Variants in SLC39A12 observed in about 807,000 individuals in gnomAD.
The protein encoded by SLC39A12 is zinc transporter ZIP12.
Under a neutral mutation model 71.1 loss-of-function variants are expected in SLC39A12, and 63 were observed. That is an observed-to-expected ratio of 0.89 (90% CI 0.72 to 1.09). The LOEUF (loss-of-function observed/expected upper bound fraction) is 1.09, where lower values mean the gene tolerates loss of function less well. SLC39A12 is among the 50% of genes least tolerant of loss of function. SLC39A12 has a pLI of 0.00. For synonymous variants in SLC39A12, 351 were observed against 301.3 expected (o/e 1.16, Z -1.71); for missense variants, 892 against 812.6 (o/e 1.10, Z -1.19).
intron 5 of SLC39A12, among the ~76,000 whole-genome samples, chr10:17,980,471 C>G (rs1425564567): frequency 6.6e-6 from 1 of 152,134 alleles, no homozygotes; most frequent in Non-Finnish European, 1.5e-5. Flanking sequence ...AGAAAACATC[C>G]ATTTGTGAGA....
At chr10:18,039,620 C>G (rs2130909152) in intron 12 of SLC39A12, among the ~76,000 whole-genome samples, 1 of 152,148 alleles carries the variant, frequency 6.6e-6, no homozygotes, top group South Asian at 2.1e-4. Flanking sequence ...CTTAGCTACC[C>G]AGGAGGCTGA....
Position 17,991,247 on chromosome 10 carries a change from C to G in SLC39A12, c.1366C>G (p.His456Asp). 1 of 1,597,014 alleles carries G rather than the reference C, an allele frequency of 6.3e-7. No homozygotes were observed. The highest frequency in any genetic ancestry group is 8.5e-7 in the Non-Finnish European group (1 of 1,174,012). Residue 456 changes from histidine to aspartate, a missense_variant, in exon 8 of 13, where the codon CAT becomes GAT. By Grantham distance (81) the His-to-Asp change is moderately conservative. Coordinates refer to ENST00000377369, the MANE Select transcript of SLC39A12 (RefSeq NM_001145195.2). ...WKLMGLIGGIHGFFLIEKCFI... is the reference protein window; with the variant it reads ...WKLMGLIGGIDGFFLIEKCFI... The stretch of plus-strand genomic sequence containing the variant: ...ACTGATGGGATTAATTGGAGGCATC[C>G]ATGGATTTTTCTTGATAGAAAAATG...
intron 4 of SLC39A12, among the ~76,000 whole-genome samples, chr10:17,975,507 C>T (rs1484711529): frequency 6.6e-6 from 1 of 152,210 alleles, no homozygotes. Flanking sequence ...ACTCTAACCA[C>T]TGCCCCATCC....
At chr10:17,969,147 T>TA (rs1373381260) in intron 4 of SLC39A12, among the ~76,000 whole-genome samples, 1 of 152,234 alleles carries the variant, frequency 6.6e-6, no homozygotes, top group East Asian at 1.9e-4. Flanking sequence ...CTGAATGGTA[T>TA]TCCATTGTGT....
rs141032599 is a variant in SLC39A12 at position 17,990,286 on chromosome 10, A to G, written c.1270-865A>G. On this transcript the variant is annotated intron_variant, in intron 7 of 12. Coordinates refer to ENST00000377369, the MANE Select transcript of SLC39A12 (RefSeq NM_001145195.2). ...ATTTGCATACACAACATATATATGT[A>G]GATACATATGTATACTCACATATAC... 1.4e-4 allele frequency among the ~76,000 whole-genome samples: 21 copies of G among 152,334 alleles called. No individual in the cohort carries two copies. In the East Asian group the frequency reaches 3.9e-3, roughly 28 times the overall value.
chr10:17,960,463 G>A (rs144855450), intron 2 of SLC39A12, among the ~76,000 whole-genome samples: 3 of 152,048 alleles, frequency 2.0e-5, no homozygotes, highest in Non-Finnish European at 4.4e-5. Context: ...ATCATTTTTG[G>A]CAATTTCCCT....
chr10:17,997,012 G>A, intron 10 of SLC39A12, among the ~76,000 whole-genome samples: 1 of 104,138 alleles, frequency 9.6e-6, no homozygotes, highest in Non-Finnish European at 1.9e-5. Context: ...AACAGAGTGA[G>A]ACTCCGTCTC....
intron 6 of SLC39A12, among the ~76,000 whole-genome samples, chr10:17,986,013 T>C (rs1269928034): frequency 6.6e-6 from 1 of 152,170 alleles, no homozygotes; most frequent in Admixed American, 6.5e-5. Context: ...ACCCTGGACA[T>C]TGCAAATAAT....
rs150700069 is a variant in SLC39A12 at position 17,961,612 on chromosome 10, C to A, written c.293C>A (p.Ala98Asp). 2.5e-6 allele frequency: 4 copies of A among 1,613,620 alleles called. No individual in the cohort carries two copies. Among genetic ancestry groups the A allele is most frequent in the Non-Finnish European group, 3.4e-6 (4 of 1,179,886 alleles). Residue 98 changes from alanine (A) to aspartate (D), a missense_variant, in exon 3 of 13, where the codon GCT becomes GAT. By Grantham distance (126) the Ala-to-Asp change is moderately radical (BLOSUM62 -2). Transcript: ENST00000377369. Reference sequence around the variant, plus strand: ...GAACCAGATGCACTATTACTAATAGCTGGAGGAAATTTTGAAGATCAGCTT... The same window carrying A: ...GAACCAGATGCACTATTACTAATAGATGGAGGAAATTTTGAAGATCAGCTT... The part of the protein sequence containing the change: ...CFEPDALLLI[A>D]GGNFEDQLRE...
intron 12 of SLC39A12, among the ~76,000 whole-genome samples, chr10:18,010,912 T>A (rs2130860427): frequency 1.3e-5 from 2 of 152,362 alleles, no homozygotes; most frequent in Admixed American, 1.3e-4. Flanking sequence ...AATGTGAAGA[T>A]GAGGATGAAG....
At chr10:18,009,453 C>T (rs1836136987) in intron 12 of SLC39A12, among the ~76,000 whole-genome samples, 1 of 152,160 alleles carries the variant, frequency 6.6e-6, no homozygotes, top group African/African-American at 2.4e-5. Context: ...CAATTTCAAA[C>T]CCTCTTCCCC....
At chr10:18,030,181 A>G (rs1836798270) in intron 12 of SLC39A12, among the ~76,000 whole-genome samples, 2 of 152,218 alleles carry the variant, frequency 1.3e-5, no homozygotes, top group Non-Finnish European at 2.9e-5. Flanking sequence ...CTTTTATTTC[A>G]GATGAGAATC....
intron 12 of SLC39A12, among the ~76,000 whole-genome samples, chr10:18,006,676 G>C (rs1320907574): frequency 2.0e-5 from 3 of 152,204 alleles, no homozygotes; most frequent in East Asian, 3.9e-4. Flanking sequence ...ATATGCCTCA[G>C]AATAGTTTAC....
chr10:18,033,026 TG>T (rs1836894840), intron 12 of SLC39A12, among the ~76,000 whole-genome samples: 1 of 151,744 alleles, frequency 6.6e-6, no homozygotes, highest in Non-Finnish European at 1.5e-5. Flanking sequence ...GATAAGCTTT[TG>T]GATGTGCTGC....
At chr10:18,006,798 G>A (rs1041884327) in intron 12 of SLC39A12, among the ~76,000 whole-genome samples, 2 of 152,108 alleles carry the variant, frequency 1.3e-5, no homozygotes, top group Admixed American at 6.5e-5. Flanking sequence ...TGAGTACTAA[G>A]AGCATTCCTG....
chr10:18,039,544 A>G (rs1411364109), intron 12 of SLC39A12, among the ~76,000 whole-genome samples: 1 of 152,188 alleles, frequency 6.6e-6, no homozygotes, highest in African/African-American at 2.4e-5. Context: ...CCTAGGCAAC[A>G]TAGCAAGACC....
intron 12 of SLC39A12, among the ~76,000 whole-genome samples, chr10:18,016,929 G>T (rs1035275573): frequency 6.6e-6 from 1 of 151,788 alleles, no homozygotes; most frequent in Non-Finnish European, 1.5e-5. Flanking sequence ...TGTCTATTTT[G>T]GATACCATTC....
At chr10:17,973,365 A>C (rs536255442) in intron 4 of SLC39A12, among the ~76,000 whole-genome samples, 1 of 152,226 alleles carries the variant, frequency 6.6e-6, no homozygotes, top group Admixed American at 6.5e-5. Context: ...TTATTTACTA[A>C]CATCTATTTC....
In SLC39A12 at chr10:17,987,671, T is replaced by A; in HGVS notation, c.1269+20T>A. The A allele has an allele frequency of 6.2e-7, 1 of 1,613,186 alleles. No individual in the cohort carries two copies. Among genetic ancestry groups the A allele is most frequent in the Non-Finnish European group, 8.5e-7 (1 of 1,179,762 alleles). ...CCTCAGGTAATCTGGTCTTTTCCAT[T>A]TCAGATAAAGTTCACTTCATTGCTC... On this transcript the variant is annotated intron_variant, in intron 7 of 12. Coordinates refer to ENST00000377369, the MANE Select transcript of SLC39A12 (RefSeq NM_001145195.2).
Sources: gnomAD v4.1 joint callset for allele counts (sites outside exome capture counted in the v4.1 genomes callset) on GRCh38, gnomAD v4.1.1 for gene constraint, MANE v1.5 for transcripts, NCBI Gene and HGNC (gene_info 2026-07-23, HGNC 2026-07-21) for gene names.